OTOGL: variants seen among roughly 807,000 people sequenced by gnomAD.
The protein encoded by OTOGL is otogelin like, also known as otogelin-like protein.
A neutral mutation model predicts 318.5 loss-of-function variants in OTOGL; 285 were observed. That is an observed-to-expected ratio of 0.89 (90% CI 0.81 to 0.99). The LOEUF is 0.99. OTOGL is among the 50% of genes least tolerant of loss of function. OTOGL has a pLI of 0.00. For missense variants in OTOGL, 2,899 were observed against 2,845.6 expected, an observed-to-expected ratio of 1.02 and a Z score of -0.43; for synonymous variants, 987 against 936.5, an observed-to-expected ratio of 1.05 and a Z score of -0.99.
intron 32 of OTOGL, 89 bp from the exon 33 acceptor site, chr12:80,318,457 T>C: frequency 2.1e-6 from 2 of 946,940 alleles, no homozygotes; most frequent in Non-Finnish European, 2.8e-6. Flanking sequence ...TTTTGAAGTA[T>C]TTTGTTATTA....
At chr12:80,163,701 G>A (rs1259817627) in intron 1 of OTOGL, among the ~76,000 whole-genome samples, 1 of 152,062 alleles carries the variant, frequency 6.6e-6, no homozygotes, top group African/African-American at 2.4e-5. Flanking sequence ...GGGGTGATTT[G>A]GCTTTGTCCT....
intron 34 of OTOGL, among the ~76,000 whole-genome samples, chr12:80,322,755 T>C (rs1462031051): frequency 6.6e-6 from 1 of 152,170 alleles, no homozygotes; most frequent in Non-Finnish European, 1.5e-5. Flanking sequence ...TAGAACTGTA[T>C]GCATGTATTT....
chr12:80,323,901 G>T lies in OTOGL; in HGVS notation c.4199+61G>T, dbSNP rs532086157. On this transcript the variant is annotated intron_variant, in intron 35 of 58. Transcript: ENST00000547103. ...GCCTTAGCAAATTCTGTTTTCAGTT[G>T]ATTTTTTTCAAGATTTTAAAAACAG... 489 of 1,319,612 alleles carry T rather than the reference G, an allele frequency of 3.7e-4. 2 individuals are homozygous for T. The South Asian group carries it at 5.8e-3, about 16-fold the overall frequency. The allele number at this position is 1,319,612 out of a possible 1,614,324, so 81.7% of individuals were successfully genotyped here.
chr12:80,111,028 G>T (rs1414770362), intron 1 of OTOGL, among the ~76,000 whole-genome samples: 1 of 152,016 alleles, frequency 6.6e-6, no homozygotes, highest in African/African-American at 2.4e-5. Flanking sequence ...TCATACGTTT[G>T]TTGGCTGCAT....
chr12:80,271,863 T>C (rs1883438660), intron 24 of OTOGL, 53 bp downstream of exon 24: 1 of 1,538,204 alleles, frequency 6.5e-7, no homozygotes. Context: ...GAAAGCACAA[T>C]ATCTCCTGAA....
Position 80,343,185 on chromosome 12 carries a change from T to A in OTOGL, c.5265+1023T>A, listed in dbSNP as rs567500400. ...ACCGTGCCCGGCCCAGAGTTTTAGA[T>A]CTTTGAATTGTTTAAAAGTATGAGT... On this transcript the variant is annotated intron_variant, in intron 44 of 58. Transcript: ENST00000547103. 3.3e-5 allele frequency among the ~76,000 whole-genome samples: 5 copies of A among 152,148 alleles called. No individual in the cohort carries two copies. The East Asian group carries it at 7.8e-4, about 24-fold the overall frequency.
At chr12:80,368,367 CAA>C in intron 55 of OTOGL, 58 bp downstream of exon 55, 1 of 1,307,814 alleles carries the variant, frequency 7.6e-7, no homozygotes, top group Non-Finnish European at 1.1e-6. Context: ...GTTCTTGAGT[CAA>C]AGTTTGGAAA....
intron 7 of OTOGL, among the ~76,000 whole-genome samples, chr12:80,228,408 C>T (rs117834448): frequency 0.017 from 2,589 of 152,188 alleles, 43 homozygotes; most frequent in Non-Finnish European, 0.022. Flanking sequence ...CACCACTGCA[C>T]TCCAGCGTGG....
In OTOGL at chr12:80,305,686, A is replaced by T; in HGVS notation, c.3324A>T (p.Ala1108=). 2 of 1,555,994 alleles carry T rather than the reference A, an allele frequency of 1.3e-6. No homozygotes were observed. The highest frequency in any genetic ancestry group is 1.7e-6 in the Non-Finnish European group (2 of 1,163,312). The part of the protein sequence containing the change: ...RNARVFGDSW[A]LGQCESPDET... ...CTCGGGTATTTGGAGATAGTTGGGCATTAGGACAGGTAAGTTACATAAATG... is the reference window on the plus strand; with the variant it reads ...CTCGGGTATTTGGAGATAGTTGGGCTTTAGGACAGGTAAGTTACATAAATG... The change falls in exon 29 of 59, where the codon GCA becomes GCT. Residue 1108 remains alanine (A), a synonymous_variant. Transcript: ENST00000547103.
intron 44 of OTOGL, chr12:80,343,509 G>GTTTTTTTTTTTTTTTTTTTTTTTGTTTT (rs1888940296): frequency 2.8e-5 from 1 of 35,868 alleles, no homozygotes. Context: ...TTTTATTCTT[G>GTTTTTTTTTTTTTTTTTTTTTTTGTTTT]TTTTTTTTTT....
At chr12:80,149,423 G>A (rs560958524) in intron 1 of OTOGL, among the ~76,000 whole-genome samples, 76 of 152,314 alleles carry the variant, frequency 5.0e-4, no homozygotes, top group Non-Finnish European at 7.1e-4. Flanking sequence ...CAGTCTGCCC[G>A]TTCTCAGATC....
At chr12:80,192,321 C>T (rs1389074468) in intron 1 of OTOGL, among the ~76,000 whole-genome samples, 2 of 152,186 alleles carry the variant, frequency 1.3e-5, no homozygotes, top group Admixed American at 6.5e-5. Context: ...CCTGCTGGTC[C>T]GGTCATGGTC....
At chr12:80,103,707 A>C (rs1366719670) in intron 1 of OTOGL, among the ~76,000 whole-genome samples, 1 of 152,218 alleles carries the variant, frequency 6.6e-6, no homozygotes, top group Non-Finnish European at 1.5e-5. Context: ...TTATTGCATG[A>C]CTTTCTCCAT....
intron 29 of OTOGL, among the ~76,000 whole-genome samples, chr12:80,309,575 C>T (rs558612596): frequency 1.3e-5 from 2 of 152,130 alleles, no homozygotes; most frequent in Non-Finnish European, 2.9e-5. Flanking sequence ...ATACAAGGGC[C>T]AAGAGGCTCT....
chr12:80,293,644 CTCA>C (rs1885192285), intron 26 of OTOGL, among the ~76,000 whole-genome samples: 1 of 151,810 alleles, frequency 6.6e-6, no homozygotes, highest in South Asian at 2.1e-4. Context: ...TTTCTACTTC[CTCA>C]TATGTTCAGC....
intron 1 of OTOGL, among the ~76,000 whole-genome samples, chr12:80,171,286 C>T (rs1874190191): frequency 6.6e-6 from 1 of 151,984 alleles, no homozygotes; most frequent in Non-Finnish European, 1.5e-5. Flanking sequence ...CACTATGTTG[C>T]CCAGGCTGGT....
At chr12:80,331,730 A>AAT (rs1888083742) in intron 37 of OTOGL, among the ~76,000 whole-genome samples, 1 of 152,182 alleles carries the variant, frequency 6.6e-6, no homozygotes, top group Non-Finnish European at 1.5e-5. Context: ...AGAATTTATG[A>AAT]ATATATGACC....
rs768236234 is a variant in OTOGL, at chr12:80,352,298, T to A, written c.5269T>A (p.Ser1757Thr). ...RIFIPCHDKV[S>T]PEDFCEKMWI... ...TCAAGGCAAAATGTTTCTCTAGGTT[T>A]CACCGGAAGACTTTTGTGAAAAGAT... Residue 1757 changes from serine to threonine, a missense_variant, in exon 45 of 59, where the codon TCA becomes ACA. By Grantham distance (58) the Ser-to-Thr change is moderately conservative. This residue lies in a region of OTOGL where 2,607 missense variants were observed against 2,524.9 expected (regional missense o/e 1.03). Transcript: ENST00000547103. The A allele has an allele frequency of 7.5e-6, 12 of 1,607,642 alleles. No homozygotes were observed. The African/African-American group carries it at 1.6e-4, about 22-fold the overall frequency.
At chr12:80,228,681 CCTCTT>C (rs1879097069) in intron 7 of OTOGL, among the ~76,000 whole-genome samples, 1 of 151,816 alleles carries the variant, frequency 6.6e-6, no homozygotes, top group African/African-American at 2.4e-5. Flanking sequence ...ATCTAAGCTT[CCTCTT>C]CTCTTTTCTT....
Sources: allele counts gnomAD v4.1 joint callset (sites outside exome capture counted in the v4.1 genomes callset), GRCh38; gene constraint gnomAD v4.1.1; regional missense constraint gnomAD v4.1.1; transcripts MANE v1.5; gene names NCBI Gene and HGNC (gene_info 2026-07-23, HGNC 2026-07-21).